CHD2: variants seen among roughly 807,000 people sequenced by gnomAD.
CHD2 encodes ATP-dependent chromatin remodeler CHD2.
Under a neutral mutation model 243.9 loss-of-function variants are expected in CHD2, and 28 were observed. The observed-to-expected ratio is 0.11, with a 90% CI of 0.09 to 0.16. CHD2 has a LOEUF of 0.16. Among genes scored for constraint, CHD2 ranks in the 10% least tolerant of loss-of-function variants. CHD2 has a pLI of 1.00. For synonymous variants in CHD2, 775 were observed against 779.0 expected (o/e 0.99, Z 0.09); for missense variants, 1,386 against 2,209.8 (o/e 0.63, Z 7.47).
chr15:93,027,069 A>G lies in CHD2; in HGVS notation c.*2364A>G, dbSNP rs941840541. ...GCAGTATCGGCCAGATCAGTGTTAC[A>G]TTGATTCTAAAATTACAGTGTCCCC... is the stretch of plus-strand genomic sequence containing the variant. On this transcript the variant is annotated 3_prime_UTR_variant, in exon 39 of 39. Transcript: ENST00000394196. 2 of 152,678 alleles carry G rather than the reference A, an allele frequency of 1.3e-5. No individual in the cohort carries two copies. The highest frequency in any genetic ancestry group is 2.1e-4 in the South Asian group (1 of 4,830). 9.5% of individuals were successfully genotyped at this position (152,678 alleles called of 1,614,324 possible).
chr15:93,005,041 T>C (rs550551319), intron 34 of CHD2, among the ~76,000 whole-genome samples: 1 of 152,352 alleles, frequency 6.6e-6, no homozygotes. Context: ...AAGTGTTCAC[T>C]GAGCAAGTAT....
chr15:92,948,101 C>A (rs946303893), intron 12 of CHD2, among the ~76,000 whole-genome samples: 2 of 152,062 alleles, frequency 1.3e-5, no homozygotes, highest in Admixed American at 1.3e-4. Flanking sequence ...TTATGCAAAC[C>A]ATAGAGACTG....
intron 5 of CHD2, among the ~76,000 whole-genome samples, chr15:92,932,891 C>T (rs1009335708): frequency 2.0e-5 from 3 of 151,862 alleles, no homozygotes; most frequent in Non-Finnish European, 2.9e-5. Flanking sequence ...TACAGGCATG[C>T]GCCACTGTGC....
At chr15:93,020,548 C>T in intron 38 of CHD2, 1 of 581,320 alleles carries the variant, frequency 1.7e-6, no homozygotes, top group Non-Finnish European at 3.1e-6. Flanking sequence ...AATTATTAAG[C>T]TCTGTGCGAG....
chr15:92,938,365 T>C (rs901019413), intron 6 of CHD2, among the ~76,000 whole-genome samples: 2 of 152,246 alleles, frequency 1.3e-5, no homozygotes, highest in Admixed American at 1.3e-4. Flanking sequence ...TTATTTCATT[T>C]TGAATTATTT....
Position 92,908,134 on chromosome 15 carries a change from C to G in CHD2, c.62+6835C>G, listed in dbSNP as rs79098838. On this transcript the variant is annotated intron_variant, in intron 2 of 38. Coordinates refer to ENST00000394196, the MANE Select transcript of CHD2 (RefSeq NM_001271.4). Reference sequence around the variant, plus strand: ...GCCAGTTAGTCTGAGTAGATAACTACCCACCCCCACTCCCCCAAGCTGATA... The same window carrying G: ...GCCAGTTAGTCTGAGTAGATAACTAGCCACCCCCACTCCCCCAAGCTGATA... Among the ~76,000 whole-genome samples, 134 of 148,222 alleles carry G rather than the reference C, an allele frequency of 9.0e-4. 2 individuals carry two copies. In the East Asian group the frequency reaches 0.027, roughly 30 times the overall value.
intron 37 of CHD2, 149 bp downstream of exon 37, chr15:93,015,058 A>G: frequency 1.4e-6 from 1 of 695,764 alleles, no homozygotes; most frequent in Non-Finnish European, 2.4e-6. Context: ...GAGAGAAAGC[A>G]TGAAATAAAG....
At chr15:92,910,995 A>G (rs1391670806) in intron 2 of CHD2, among the ~76,000 whole-genome samples, 2 of 152,200 alleles carry the variant, frequency 1.3e-5, no homozygotes. Context: ...ACAATGGTAA[A>G]TATTTGTGTA....
chr15:92,901,464 C>G (rs1226659187), intron 2 of CHD2, 165 bp downstream of exon 2: 1 of 609,162 alleles, frequency 1.6e-6, no homozygotes, highest in Non-Finnish European at 3.0e-6. Context: ...ATATGCCACA[C>G]CCTAATTTTT....
rs1212889969 is a variant in CHD2 at position 92,925,433 on chromosome 15, C to T, written c.294+881C>T. On this transcript the variant is annotated intron_variant, in intron 3 of 38. Transcript: ENST00000394196. The stretch of plus-strand genomic sequence containing the variant: ...ACACAAGATAATTTTAGGATGTAAA[C>T]ATTATAATATATGCTGTAATAAAGT... Among the ~76,000 whole-genome samples, 4 of 152,190 alleles carry T rather than the reference C, an allele frequency of 2.6e-5. No individual in the cohort carries two copies. In the East Asian group the frequency reaches 7.7e-4, roughly 29 times the overall value.
At chr15:92,958,036 C>T (rs1420617258) in intron 16 of CHD2, among the ~76,000 whole-genome samples, 2 of 152,050 alleles carry the variant, frequency 1.3e-5, no homozygotes, top group Admixed American at 6.6e-5. Flanking sequence ...ATCCAGTTAC[C>T]GGTTGATGGA....
intron 16 of CHD2, among the ~76,000 whole-genome samples, chr15:92,964,706 A>G (rs944012809): frequency 6.6e-6 from 1 of 152,192 alleles, no homozygotes; most frequent in East Asian, 1.9e-4. Context: ...CAATAGCTTC[A>G]TTTTGTACAT....
chr15:92,958,266 G>T (rs1477529004), intron 16 of CHD2, among the ~76,000 whole-genome samples: 1 of 152,164 alleles, frequency 6.6e-6, no homozygotes, highest in African/African-American at 2.4e-5. Context: ...ACCAGGACTT[G>T]GTGCATTGTC....
At chr15:92,982,484 A>T (rs1027513663) in intron 24 of CHD2, among the ~76,000 whole-genome samples, 2 of 152,182 alleles carry the variant, frequency 1.3e-5, no homozygotes, top group African/African-American at 4.8e-5. Context: ...GAGAAATTGG[A>T]TCAGTTGGCT....
At chr15:92,908,244 A>G (rs1304616659) in intron 2 of CHD2, among the ~76,000 whole-genome samples, 1 of 151,674 alleles carries the variant, frequency 6.6e-6, no homozygotes, top group Non-Finnish European at 1.5e-5. Context: ...GCACTGCTCC[A>G]TGGATATAAA....
chr15:92,980,958 G>C, intron 23 of CHD2, 47 bp downstream of exon 23: 1 of 1,281,646 alleles, frequency 7.8e-7, no homozygotes, highest in Non-Finnish European at 1.1e-6. Context: ...AGTATGATCT[G>C]TGAGAGTCTA....
intron 35 of CHD2, among the ~76,000 whole-genome samples, 169 bp from the exon 36 acceptor site, chr15:93,012,176 G>A (rs1392316244): frequency 6.6e-6 from 1 of 152,074 alleles, no homozygotes; most frequent in East Asian, 1.9e-4. Context: ...ATTAAGTTAG[G>A]ACTTACTGTA....
chr15:92,951,292 T>G (rs963564416), intron 13 of CHD2, among the ~76,000 whole-genome samples: 1 of 152,138 alleles, frequency 6.6e-6, no homozygotes, highest in Non-Finnish European at 1.5e-5. Flanking sequence ...TGCCTCAGGC[T>G]CTTGAGTAGC....
intron 18 of CHD2, 73 bp downstream of exon 18, chr15:92,972,000 C>CT: frequency 6.8e-7 from 1 of 1,462,056 alleles, no homozygotes; most frequent in Non-Finnish European, 9.3e-7. Flanking sequence ...TCAGAATGCT[C>CT]TATTTCCTTG....
Sources: gnomAD v4.1 joint callset for allele counts (sites outside exome capture counted in the v4.1 genomes callset) on GRCh38, gnomAD v4.1.1 for gene constraint, MANE v1.5 for transcripts, NCBI Gene and HGNC (gene_info 2026-07-23, HGNC 2026-07-21) for gene names.